The following CDH23 variants were observed in gnomAD, a reference collection of about 807,000 sequenced individuals.
CDH23 encodes the protein cadherin related 23, also known as cadherin-23.
Under a neutral mutation model 317.1 loss-of-function variants are expected in CDH23, and 189 were observed. The observed-to-expected ratio is 0.60, with a 90% CI of 0.53 to 0.67. The LOEUF is 0.67. Among genes scored for constraint, CDH23 ranks in the 30% least tolerant of loss-of-function variants. The probability of loss-of-function intolerance (pLI) is 0.00; values close to 1 mark genes in which losing one functional copy is unlikely to be tolerated. For synonymous variants in CDH23, 1,839 were observed against 1,876.8 expected (o/e 0.98, Z 0.52); for missense variants, 4,401 against 4,592.4 (o/e 0.96, Z 1.20).
intron 6 of CDH23, among the ~76,000 whole-genome samples, chr10:71,526,155 C>T (rs1855028461): frequency 6.6e-6 from 1 of 152,188 alleles, no homozygotes; most frequent in Admixed American, 6.5e-5. Flanking sequence ...GAAAGCCGGG[C>T]CCTGCCTTGG....
chr10:71,725,827 A>G (rs373251979), intron 30 of CDH23, among the ~76,000 whole-genome samples: 62 of 152,314 alleles, frequency 4.1e-4, no homozygotes, highest in African/African-American at 1.4e-3. Context: ...GGGTAAGTCA[A>G]GGAAATCTCA....
chr10:71,454,514 T>C (rs1482296302), intron 3 of CDH23, among the ~76,000 whole-genome samples: 3 of 152,216 alleles, frequency 2.0e-5, no homozygotes, highest in African/African-American at 4.8e-5. Context: ...AGACTGGAAA[T>C]TGGCCAATCT....
At chr10:71,745,674 G>C (rs925881079) in intron 38 of CDH23, among the ~76,000 whole-genome samples, 13 of 152,366 alleles carry the variant, frequency 8.5e-5, no homozygotes, top group African/African-American at 2.9e-4. Flanking sequence ...ACTTTGGGCA[G>C]TAAACCCCTC....
At chr10:71,624,629 G>A (rs1406157881) in intron 11 of CDH23, among the ~76,000 whole-genome samples, 1 of 152,134 alleles carries the variant, frequency 6.6e-6, no homozygotes, top group Non-Finnish European at 1.5e-5. Flanking sequence ...CAGCCCAGGA[G>A]GTTGAGGCTG....
Position 71,682,454 on chromosome 10 carries a change from T to C in CDH23, c.1868T>C (p.Val623Ala). The C allele has an allele frequency of 6.2e-7, 1 of 1,612,024 alleles. No individual in the cohort carries two copies. Among genetic ancestry groups the C allele is most frequent in the South Asian group, 1.1e-5 (1 of 90,462 alleles). Residue 623 changes from valine (V) to alanine (A), a missense_variant, in exon 18 of 70, where the codon GTC (valine) becomes GCC (alanine). This residue lies in a region of CDH23 where 3,068 missense variants were observed against 3,203.3 expected (regional missense o/e 0.96). Coordinates refer to ENST00000224721, the MANE Select transcript of CDH23 (RefSeq NM_022124.6). ...SLYEGYGVISVSRPLDYEQIS... is the reference protein window; with the variant it reads ...SLYEGYGVISASRPLDYEQIS... ...GTTCCTGTCATTGCAGTGATCAGCGTCAGTCGCCCCCTGGATTATGAACAG... is the reference window on the plus strand; with the variant it reads ...GTTCCTGTCATTGCAGTGATCAGCGCCAGTCGCCCCCTGGATTATGAACAG...
intron 3 of CDH23, among the ~76,000 whole-genome samples, chr10:71,459,363 G>A (rs1850865570): frequency 6.6e-6 from 1 of 152,140 alleles, no homozygotes; most frequent in Non-Finnish European, 1.5e-5. Flanking sequence ...CAAAGTGGGG[G>A]CATGAGCCAC....
At position 71,646,616 on chromosome 10, in the gene CDH23, T is replaced by A. The variant is rs756533284; in HGVS notation, c.1448T>A (p.Leu483Gln). ...GTGGGGACCTCTGTGCTGACAGTCC[T>A]GGTGAGTCCCCGCTTCACTGCAGGG... The part of the protein sequence containing the change: ...VTVGTSVLTV[L>Q]ATDNDAGTFG... The change falls in exon 14 of 70, where the codon CTG becomes CAG. Residue 483 changes from leucine (L) to glutamine (Q), a missense_variant and splice_region_variant. Coordinates refer to ENST00000224721, the MANE Select transcript of CDH23 (RefSeq NM_022124.6). The A allele has an allele frequency of 6.2e-7, 1 of 1,613,988 alleles. No homozygotes were observed. Among genetic ancestry groups the A allele is most frequent in the Non-Finnish European group, 8.5e-7 (1 of 1,179,884 alleles).
intron 6 of CDH23, chr10:71,512,197 C>A (rs956578741): frequency 6.6e-6 from 1 of 152,220 alleles, no homozygotes; most frequent in Non-Finnish European, 1.5e-5. Context: ...CTAGGGCAGG[C>A]TCAGCCTCCC....
At chr10:71,437,413 T>A (rs1029610857) in intron 1 of CDH23, among the ~76,000 whole-genome samples, 6 of 152,172 alleles carry the variant, frequency 3.9e-5, no homozygotes, top group African/African-American at 1.4e-4. Flanking sequence ...TTAGGAAACA[T>A]CCATACCATG....
chr10:71,489,597 G>A (rs1852538250), intron 3 of CDH23, among the ~76,000 whole-genome samples: 1 of 117,432 alleles, frequency 8.5e-6, no homozygotes, highest in Non-Finnish European at 1.8e-5. Flanking sequence ...GCCTCGGGGT[G>A]TGTGTGTGTG....
chr10:71,766,861 G>T (rs117208264), intron 38 of CDH23, among the ~76,000 whole-genome samples: 1 of 152,164 alleles, frequency 6.6e-6, no homozygotes. Flanking sequence ...GTGGGCAGGC[G>T]GGGCTGATGC....
chr10:71,734,061 C>T (rs1839478024), intron 32 of CDH23, among the ~76,000 whole-genome samples, 179 bp from the exon 33 acceptor site: 1 of 152,206 alleles, frequency 6.6e-6, no homozygotes, highest in African/African-American at 2.4e-5. Flanking sequence ...AGGAAGGCTT[C>T]ATGGAAGAGG....
At chr10:71,646,662 G>A (rs752614410) in intron 14 of CDH23, 45 bp downstream of exon 14, 121 of 1,613,858 alleles carry the variant, frequency 7.5e-5, no homozygotes, top group South Asian at 1.9e-4. Context: ...CTCCAGGGCC[G>A]ACTGTGGTGA....
Position 71,718,235 on chromosome 10 carries a change from CCACCTAGTTCCCCACCCGAGGGA to C in CDH23, c.3369+5424_3369+5446del, listed in dbSNP as rs1866378860. Among the ~76,000 whole-genome samples, 4 of 152,164 alleles carry C rather than the reference CCACCTAGTTCCCCACCCGAGGGA, an allele frequency of 2.6e-5. No homozygotes were observed. In the South Asian group the frequency reaches 8.3e-4, roughly 32 times the overall value. On this transcript the variant is annotated intron_variant, in intron 28 of 69. Transcript: ENST00000224721. ...CACAGGTAGTGGGGAGGGGAGTGGGCCACCTAGTTCCCCACCCGAGGGACTCCTGTCCCTACCCCAGGCACTCA... is the reference window on the plus strand; with the variant it reads ...CACAGGTAGTGGGGAGGGGAGTGGGCCTCCTGTCCCTACCCCAGGCACTCA...
rs1328860176 is a variant in CDH23, at chr10:71,785,017, G to A, written c.5629G>A (p.Asp1877Asn). Residue 1877 changes from aspartate to asparagine, a missense_variant, in exon 43 of 70, where the codon GAC (aspartate) becomes AAC (asparagine). Asp to Asn is a conservative substitution (Grantham distance 23). This residue lies in a region of CDH23 where 3,068 missense variants were observed against 3,203.3 expected (regional missense o/e 0.96). Transcript: ENST00000224721. ...CTTTGTCGCCCATGTCCTGGCCAGTGACGCTGACAGTGGCTGCAATGCACG... is the reference window on the plus strand; with the variant it reads ...CTTTGTCGCCCATGTCCTGGCCAGTAACGCTGACAGTGGCTGCAATGCACG... Reference protein sequence around the residue: ...SSFVAHVLASDADSGCNARLT... With the variant: ...SSFVAHVLASNADSGCNARLT... 17 of 1,613,968 alleles carry A rather than the reference G, an allele frequency of 1.1e-5. No homozygotes were observed. The highest frequency in any genetic ancestry group is 2.7e-5 in the African/African-American group (2 of 74,958).
intron 42 of CDH23, 21 bp downstream of exon 42, chr10:71,784,441 C>T (rs759169021): frequency 5.6e-6 from 9 of 1,608,208 alleles, no homozygotes; most frequent in African/African-American, 1.3e-5. Flanking sequence ...GGGCCCCACC[C>T]GCTGGCTTCA....
At chr10:71,486,975 C>T (rs563016390) in intron 3 of CDH23, among the ~76,000 whole-genome samples, 1 of 152,278 alleles carries the variant, frequency 6.6e-6, no homozygotes, top group East Asian at 1.9e-4. Context: ...TCATTGGGCA[C>T]AGACTGCCCA....
intron 38 of CDH23, among the ~76,000 whole-genome samples, chr10:71,746,489 T>C (rs908239055): frequency 6.6e-6 from 1 of 152,190 alleles, no homozygotes; most frequent in Non-Finnish European, 1.5e-5. Flanking sequence ...CGCCACACAA[T>C]GGTGTGCCAC....
intron 22 of CDH23, among the ~76,000 whole-genome samples, chr10:71,698,589 A>G (rs1294520848): frequency 7.4e-6 from 1 of 135,812 alleles, no homozygotes; most frequent in African/African-American, 2.8e-5. Flanking sequence ...CCCTGCACCC[A>G]CTCAACTCTC....
Sources: allele counts gnomAD v4.1 joint callset (sites outside exome capture counted in the v4.1 genomes callset), GRCh38; gene constraint gnomAD v4.1.1; regional missense constraint gnomAD v4.1.1; transcripts MANE v1.5; gene names NCBI Gene and HGNC (gene_info 2026-07-23, HGNC 2026-07-21).